STIM2: variants seen among roughly 807,000 people sequenced by gnomAD.
The protein encoded by STIM2 is stromal interaction molecule 2.
STIM2 carries 31 observed loss-of-function variants against 85.8 expected under a neutral mutation model. That is an observed-to-expected ratio of 0.36 (90% CI 0.27 to 0.49). The LOEUF (loss-of-function observed/expected upper bound fraction) is 0.49. Among genes scored for constraint, STIM2 ranks in the 20% least tolerant of loss-of-function variants. The pLI, the probability that STIM2 is intolerant of heterozygous loss-of-function variation, is 0.98. For synonymous variants in STIM2, 356 were observed against 331.1 expected, an observed-to-expected ratio of 1.08 and a Z score of -0.82; for missense variants, 841 against 927.6, an observed-to-expected ratio of 0.91 and a Z score of 1.21.
intron 1 of STIM2, among the ~76,000 whole-genome samples, chr4:26,886,464 G>A (rs1436030586): frequency 1.3e-5 from 2 of 152,180 alleles, no homozygotes; most frequent in Non-Finnish European, 2.9e-5. Flanking sequence ...GAAAGTATAT[G>A]TGTGTTTGCT....
At chr4:27,022,353 A>G (rs1577503316) in intron 11 of STIM2, among the ~76,000 whole-genome samples, 166 bp from the exon 12 acceptor site, 1 of 152,230 alleles carries the variant, frequency 6.6e-6, no homozygotes, top group Non-Finnish European at 1.5e-5. Flanking sequence ...AAGCCATATT[A>G]TTTAAAGAAG....
chr4:26,869,859 G>A (rs1464588229), intron 1 of STIM2, among the ~76,000 whole-genome samples: 2 of 151,098 alleles, frequency 1.3e-5, no homozygotes, highest in Non-Finnish European at 2.9e-5. Flanking sequence ...GCACTGCTAT[G>A]TTCTTTTCAG....
intron 1 of STIM2, among the ~76,000 whole-genome samples, chr4:26,918,126 A>G (rs1022143081): frequency 2.0e-5 from 3 of 152,088 alleles, no homozygotes; most frequent in Non-Finnish European, 4.4e-5. Flanking sequence ...TCTAAGACTA[A>G]AGAAATTAAA....
intron 2 of STIM2, among the ~76,000 whole-genome samples, chr4:26,948,166 G>A (rs867136614): frequency 7.2e-5 from 11 of 152,298 alleles, no homozygotes; most frequent in African/African-American, 2.4e-4. Flanking sequence ...TTTGCTGGCC[G>A]TATTATTCTC....
At position 26,914,989 on chromosome 4, in the gene STIM2, G is replaced by A. The variant is rs138789598; in HGVS notation, c.152-4515G>A. Among the ~76,000 whole-genome samples, 10 of 152,256 alleles carry A rather than the reference G, an allele frequency of 6.6e-5. No individual in the cohort carries two copies. The East Asian group carries it at 1.9e-3, about 29-fold the overall frequency. ...CGGTACTTAATTCTCTGATGCTGGT[G>A]ACACTGACCCATTTATGTTCGTTAT... On this transcript the variant is annotated intron_variant, in intron 1 of 11. Transcript: ENST00000467087.
At chr4:26,997,416 T>G (rs2109127159) in intron 4 of STIM2, among the ~76,000 whole-genome samples, 1 of 152,310 alleles carries the variant, frequency 6.6e-6, no homozygotes, top group East Asian at 1.9e-4. Flanking sequence ...ACTCTGTAAT[T>G]CTTACTGCCA....
chr4:26,883,298 T>G (rs1484624978), intron 1 of STIM2, among the ~76,000 whole-genome samples: 1 of 152,114 alleles, frequency 6.6e-6, no homozygotes, highest in Non-Finnish European at 1.5e-5. Flanking sequence ...GGTATATTAT[T>G]TGCTAACTCA....
intron 10 of STIM2, among the ~76,000 whole-genome samples, chr4:27,009,572 T>C (rs1414987975): frequency 6.6e-6 from 1 of 152,260 alleles, no homozygotes; most frequent in Non-Finnish European, 1.5e-5. Flanking sequence ...ATTATTTTGC[T>C]GGTTTTACTT....
chr4:26,921,006 A>T (rs952289866), intron 2 of STIM2, among the ~76,000 whole-genome samples: 1 of 152,124 alleles, frequency 6.6e-6, no homozygotes, highest in African/African-American at 2.4e-5. Flanking sequence ...TCAGAATGTG[A>T]CCTTATTTAG....
intron 1 of STIM2, among the ~76,000 whole-genome samples, chr4:26,906,513 A>C (rs868311577): frequency 5.1e-4 from 75 of 148,002 alleles, no homozygotes; most frequent in Admixed American, 6.8e-4. Flanking sequence ...GACTAGTGCG[A>C]TCATAATGAA....
intron 3 of STIM2, among the ~76,000 whole-genome samples, chr4:26,990,438 A>G (rs527699875): frequency 3.9e-5 from 6 of 152,324 alleles, no homozygotes; most frequent in African/African-American, 1.4e-4. Context: ...TACCATATGC[A>G]AAAATCAACT....
At position 26,887,809 on chromosome 4, in the gene STIM2, T is replaced by A. The variant is rs191639194; in HGVS notation, c.151+26440T>A. Among the ~76,000 whole-genome samples the A allele has an allele frequency of 1.3e-4, 20 of 150,572 alleles. No homozygotes were observed. In the East Asian group the frequency reaches 2.5e-3, roughly 19 times the overall value. ...ACTCAAAGATGTAACTTAAAATAATTAATTGTTTTATACATGTATCTACAT... is the reference window on the plus strand; with the variant it reads ...ACTCAAAGATGTAACTTAAAATAATAAATTGTTTTATACATGTATCTACAT... On this transcript the variant is annotated intron_variant, in intron 1 of 11. Coordinates refer to ENST00000467087, the MANE Select transcript of STIM2 (RefSeq NM_020860.4).
intron 2 of STIM2, among the ~76,000 whole-genome samples, chr4:26,947,690 G>A (rs1420162255): frequency 6.6e-6 from 1 of 152,170 alleles, no homozygotes; most frequent in African/African-American, 2.4e-5. Context: ...GGAGCATAAA[G>A]CGCTTCCTCC....
Position 26,861,197 on chromosome 4 carries a change from G to A in STIM2, c.-22G>A, listed in dbSNP as rs1244681372. The A allele has an allele frequency of 1.4e-6, 2 of 1,447,206 alleles. No individual in the cohort carries two copies. Among genetic ancestry groups the A allele is most frequent in the Non-Finnish European group, 1.8e-6 (2 of 1,099,826 alleles). The allele number at this position is 1,447,206 out of a possible 1,614,324, so 89.6% of individuals were successfully genotyped here. The stretch of plus-strand genomic sequence containing the variant: ...CTGGCCCAGCGTGGGGCTGGCTGCT[G>A]CGGCGGCGGCGCTGGGCTGCGTTGC... On this transcript the variant is annotated 5_prime_UTR_variant, in exon 1 of 12. Transcript: ENST00000467087.
At chr4:27,000,426 G>T (rs192659854) in intron 5 of STIM2, among the ~76,000 whole-genome samples, 152 of 152,230 alleles carry the variant, frequency 1.0e-3, no homozygotes, top group Non-Finnish European at 1.5e-3. Flanking sequence ...CCTTTTCCTT[G>T]TCCTCACTTC....
intron 3 of STIM2, among the ~76,000 whole-genome samples, chr4:26,975,463 T>G (rs531970991): frequency 5.3e-5 from 8 of 152,346 alleles, no homozygotes; most frequent in African/African-American, 1.9e-4. Flanking sequence ...ATGCTATTCC[T>G]TTCTGTTTGT....
intron 1 of STIM2, chr4:26,861,595 C>G (rs1722199035): frequency 2.0e-6 from 1 of 511,224 alleles, no homozygotes; most frequent in African/African-American, 2.0e-5. Context: ...ACTGATTCCC[C>G]TCCCTTCAGT....
Position 26,892,617 on chromosome 4 carries a change from T to C in STIM2, c.152-26887T>C, listed in dbSNP as rs78701900. Among the ~76,000 whole-genome samples the C allele has an allele frequency of 4.8e-3, 736 of 152,276 alleles. 8 individuals are homozygous for C. The highest frequency in any genetic ancestry group is 0.017 in the African/African-American group (714 of 41,530). ...TTCTGACATGCATATGTTTTACCAA[T>C]AAGCTTAGAGTAATTGCAGTTTCTT... On this transcript the variant is annotated intron_variant, in intron 1 of 11. Coordinates refer to ENST00000467087, the MANE Select transcript of STIM2 (RefSeq NM_020860.4).
chr4:26,861,393 C>A (rs977948920), intron 1 of STIM2, 24 bp downstream of exon 1: 128 of 1,281,836 alleles, frequency 1.0e-4, no homozygotes, highest in Non-Finnish European at 1.2e-4. Flanking sequence ...GGGCGGCGGG[C>A]GGGGCTCGGC....
Sources: allele counts gnomAD v4.1 joint callset (sites outside exome capture counted in the v4.1 genomes callset), GRCh38; gene constraint gnomAD v4.1.1; transcripts MANE v1.5; gene names NCBI Gene and HGNC (gene_info 2026-07-23, HGNC 2026-07-21).